KHDRBS2: variants seen among roughly 807,000 people sequenced by gnomAD.
The protein encoded by KHDRBS2 is KH domain-containing, RNA-binding, signal transduction-associated protein 2.
In KHDRBS2, 26 loss-of-function variants were observed where a neutral mutation model predicts 44.3. The observed-to-expected ratio is 0.59, with a 90% CI of 0.43 to 0.81. The LOEUF is 0.81. KHDRBS2 is among the 40% of genes least tolerant of loss of function. The pLI is 0.00. For synonymous variants in KHDRBS2, 194 were observed against 151.1 expected (o/e 1.28, Z -2.08); for missense variants, 476 against 433.1 (o/e 1.10, Z -0.88).
At chr6:62,272,104 C>A (rs1302376792) in intron 1 of KHDRBS2, among the ~76,000 whole-genome samples, 3 of 152,062 alleles carry the variant, frequency 2.0e-5, no homozygotes, top group African/African-American at 7.2e-5. Context: ...TGTACTTTTT[C>A]TATGTTTAGG....
intron 6 of KHDRBS2, among the ~76,000 whole-genome samples, chr6:61,787,121 TAG>T (rs1473990466): frequency 6.6e-6 from 1 of 150,652 alleles, no homozygotes; most frequent in East Asian, 1.9e-4. Context: ...TTTTGGTGCA[TAG>T]AGTTACGGTG....
chr6:61,988,781 T>C (rs778078392), intron 3 of KHDRBS2, among the ~76,000 whole-genome samples: 4 of 152,210 alleles, frequency 2.6e-5, no homozygotes, highest in Non-Finnish European at 5.9e-5. Flanking sequence ...CACTTTGGTT[T>C]CCACTGTTTG....
rs181296260 is a variant in KHDRBS2 at position 61,762,861 on chromosome 6, A to T, written c.811-30097T>A. ...TTTCAGAAACCAGAAGGTTCTATTG[A>T]AATTTTATTTACCCATCTCTTTCTC... On this transcript the variant is annotated intron_variant, in intron 6 of 8. Coordinates refer to ENST00000281156, the MANE Select transcript of KHDRBS2 (RefSeq NM_152688.4). 3.2e-4 allele frequency among the ~76,000 whole-genome samples: 49 copies of T among 152,292 alleles called. 1 individual carries two copies. In the East Asian group the frequency reaches 8.9e-3, roughly 28 times the overall value.
chr6:62,238,816 T>A (rs1348820618), intron 1 of KHDRBS2, among the ~76,000 whole-genome samples: 3 of 152,120 alleles, frequency 2.0e-5, no homozygotes, highest in Admixed American at 6.6e-5. Flanking sequence ...ATCTGTACCA[T>A]CTTAATCAAG....
chr6:61,655,296 C>CCCA, the KHDRBS2 span, among the ~76,000 whole-genome samples: 1 of 151,810 alleles, frequency 6.6e-6, no homozygotes, highest in Non-Finnish European at 1.5e-5. Flanking sequence ...TGCACTGTCG[C>CCCA]CCAGACTGGA....
intron 1 of KHDRBS2, among the ~76,000 whole-genome samples, chr6:62,202,399 C>G (rs1201337599): frequency 6.6e-6 from 1 of 152,014 alleles, no homozygotes; most frequent in South Asian, 2.1e-4. Context: ...CTCAATTTTC[C>G]CAGTTTCCTT....
chr6:61,804,545 T>A (rs1786825718), intron 6 of KHDRBS2, among the ~76,000 whole-genome samples: 1 of 152,228 alleles, frequency 6.6e-6, no homozygotes, highest in South Asian at 2.1e-4. Flanking sequence ...TGCACTGCCT[T>A]AGCAGAGGTT....
intron 6 of KHDRBS2, among the ~76,000 whole-genome samples, chr6:61,804,576 G>A (rs184102111): frequency 1.4e-4 from 21 of 152,260 alleles, no homozygotes; most frequent in East Asian, 1.9e-4. Context: ...GCTCTTCCCC[G>A]GCAGCAAACT....
chr6:62,273,993 T>C (rs1352824958), intron 1 of KHDRBS2, among the ~76,000 whole-genome samples: 3 of 152,118 alleles, frequency 2.0e-5, no homozygotes, highest in Non-Finnish European at 1.5e-5. Context: ...TGGAGTGCAG[T>C]GGCGCGATCT....
At chr6:61,688,184 G>C (rs1315254289) in intron 8 of KHDRBS2, among the ~76,000 whole-genome samples, 1 of 151,816 alleles carries the variant, frequency 6.6e-6, no homozygotes, top group Non-Finnish European at 1.5e-5. Flanking sequence ...TTTTAAATAA[G>C]TGTGTGTCTA....
At chr6:61,983,086 A>G (rs1021184374) in intron 3 of KHDRBS2, among the ~76,000 whole-genome samples, 1 of 152,098 alleles carries the variant, frequency 6.6e-6, no homozygotes, top group Non-Finnish European at 1.5e-5. Flanking sequence ...TTCTCAAAAA[A>G]AAAATTGGAA....
chr6:61,867,684 C>T (rs1797984816), intron 6 of KHDRBS2, among the ~76,000 whole-genome samples: 1 of 152,192 alleles, frequency 6.6e-6, no homozygotes, highest in African/African-American at 2.4e-5. Context: ...TTTTAACAGT[C>T]TGTCCACTCT....
chr6:61,907,197 T>C (rs1351783794), intron 4 of KHDRBS2, among the ~76,000 whole-genome samples: 2 of 151,972 alleles, frequency 1.3e-5, no homozygotes, highest in African/African-American at 4.9e-5. Flanking sequence ...ACAATTTGTA[T>C]GTCTTCTTTT....
chr6:61,573,952 G>T, the KHDRBS2 span, among the ~76,000 whole-genome samples: 1 of 151,958 alleles, frequency 6.6e-6, no homozygotes, highest in Admixed American at 6.6e-5. Flanking sequence ...TAGACCAATG[G>T]AACACAATAG....
the KHDRBS2 span, among the ~76,000 whole-genome samples, chr6:61,637,716 G>A: frequency 6.6e-6 from 1 of 152,028 alleles, no homozygotes; most frequent in African/African-American, 2.4e-5. Flanking sequence ...ACTTTTTAAT[G>A]ATCGCCATTC....
At chr6:61,963,023 ACAG>A (rs1159542383) in intron 4 of KHDRBS2, among the ~76,000 whole-genome samples, 2 of 152,132 alleles carry the variant, frequency 1.3e-5, no homozygotes, top group Non-Finnish European at 2.9e-5. Flanking sequence ...TCTCACACTG[ACAG>A]CAGCAGACTT....
intron 2 of KHDRBS2, 99 bp downstream of exon 2, chr6:62,177,086 G>T: frequency 5.3e-6 from 4 of 749,660 alleles, no homozygotes; most frequent in Non-Finnish European, 2.0e-6. Flanking sequence ...ACATTATGAA[G>T]CTTCAAATAT....
chr6:61,954,959 T>TGTATAC (rs1766160221), intron 4 of KHDRBS2, among the ~76,000 whole-genome samples: 1 of 139,438 alleles, frequency 7.2e-6, no homozygotes, highest in Non-Finnish European at 1.6e-5. Context: ...CATATATATG[T>TGTATAC]ATATATACGC....
At chr6:62,068,501 T>A (rs1158607606) in intron 2 of KHDRBS2, among the ~76,000 whole-genome samples, 2 of 151,584 alleles carry the variant, frequency 1.3e-5, no homozygotes, top group Non-Finnish European at 3.0e-5. Flanking sequence ...TAGCACAAAC[T>A]TTTAAAAAAT....
Sources: allele counts gnomAD v4.1 joint callset (sites outside exome capture counted in the v4.1 genomes callset), GRCh38; gene constraint gnomAD v4.1.1; transcripts MANE v1.5; gene names NCBI Gene and HGNC (gene_info 2026-07-23, HGNC 2026-07-21).